The following SULT1B1 variants were observed in gnomAD, a reference collection of about 807,000 sequenced individuals.
SULT1B1 encodes the protein sulfotransferase family 1B member 1, also known as sulfotransferase 1B1.
Under a neutral mutation model 34.6 loss-of-function variants are expected in SULT1B1, and 28 were observed. The ratio of observed to expected loss-of-function variants is 0.81; its 90% CI spans 0.60 to 1.11. SULT1B1 has a LOEUF of 1.11. Among genes scored for constraint, SULT1B1 ranks in the 50% least tolerant of loss-of-function variants. SULT1B1 has a pLI of 0.00. For synonymous variants in SULT1B1, 147 were observed against 110.2 expected (o/e 1.33, Z -2.09); for missense variants, 374 against 352.2 (o/e 1.06, Z -0.50).
At chr4:69,754,603 C>T (rs11569733) in intron 3 of SULT1B1, 67 bp downstream of exon 3, 17,224 of 1,483,008 alleles carry the variant, frequency 0.012, 114 homozygotes, top group Middle Eastern at 0.034. Flanking sequence ...GAAAGTCACA[C>T]ATACAATAAT....
intron 4 of SULT1B1, among the ~76,000 whole-genome samples, chr4:69,736,362 C>A (rs1242735194): frequency 6.6e-6 from 1 of 152,146 alleles, no homozygotes; most frequent in Non-Finnish European, 1.5e-5. Flanking sequence ...CTGAGACATA[C>A]AAGACTAAGG....
chr4:69,746,951 T>C (rs1251578469), intron 4 of SULT1B1, among the ~76,000 whole-genome samples: 1 of 152,236 alleles, frequency 6.6e-6, no homozygotes, highest in Admixed American at 6.5e-5. Context: ...CCTTTTTGGA[T>C]GCTTTTAGGG....
intron 4 of SULT1B1, among the ~76,000 whole-genome samples, chr4:69,745,433 A>G (rs1718713348): frequency 1.3e-5 from 2 of 152,208 alleles, no homozygotes; most frequent in African/African-American, 4.8e-5. Context: ...TTCTTGTTGA[A>G]TTGAATCTTT....
rs1578049353 is a variant in SULT1B1 at position 69,733,569 on chromosome 4, T to G, written c.503-62A>C. The G allele has an allele frequency of 4.0e-6, 5 of 1,236,674 alleles. No individual in the cohort carries two copies. In the East Asian group the frequency reaches 1.3e-4, roughly 31 times the overall value. 76.6% of individuals were successfully genotyped at this position (1,236,674 alleles called of 1,614,324 possible). On this transcript the variant is annotated intron_variant, in intron 5 of 7. Transcript: ENST00000310613. Reference sequence around the variant, plus strand: ...ATCAAATTAAATATTTCTGTCTGAATAGTAAATCAAATTGTGAAAACATTT... The same window carrying G: ...ATCAAATTAAATATTTCTGTCTGAAGAGTAAATCAAATTGTGAAAACATTT...
chr4:69,754,273 T>C (rs576300870), intron 3 of SULT1B1, among the ~76,000 whole-genome samples: 2 of 152,312 alleles, frequency 1.3e-5, no homozygotes, highest in South Asian at 2.1e-4. Flanking sequence ...AAGCATTCCA[T>C]AAATATTTTG....
intron 4 of SULT1B1, among the ~76,000 whole-genome samples, chr4:69,740,642 T>C (rs954444645): frequency 6.6e-6 from 1 of 152,190 alleles, no homozygotes; most frequent in Admixed American, 6.5e-5. Flanking sequence ...CAAATACATG[T>C]GTCTTCTTGG....
intron 3 of SULT1B1, among the ~76,000 whole-genome samples, chr4:69,751,113 T>A (rs1718963766): frequency 6.6e-6 from 1 of 152,204 alleles, no homozygotes; most frequent in South Asian, 2.1e-4. Context: ...ACTGTAAACA[T>A]AAATTACTAT....
chr4:69,753,367 C>T (rs901499167), intron 3 of SULT1B1, among the ~76,000 whole-genome samples: 2 of 152,154 alleles, frequency 1.3e-5, no homozygotes, highest in South Asian at 4.1e-4. Flanking sequence ...CTCTACCAAG[C>T]AACCTGTGGA....
At chr4:69,755,826 C>T (rs769658145) in intron 1 of SULT1B1, among the ~76,000 whole-genome samples, 8 of 152,062 alleles carry the variant, frequency 5.3e-5, no homozygotes, top group African/African-American at 1.7e-4. Context: ...TGTGAGTTTA[C>T]GGTTTCCATC....
chr4:69,726,899 A>T lies in SULT1B1; in HGVS notation c.*189T>A. ...TTAACAATGAACTTTAGCCTTAGAG[A>T]ATTTGGAAACTCAGAATCAAAGGAA... is the stretch of plus-strand genomic sequence containing the variant. On this transcript the variant is annotated 3_prime_UTR_variant, in exon 8 of 8. Transcript: ENST00000310613. 1 of 454,900 alleles carries T rather than the reference A, an allele frequency of 2.2e-6. No individual in the cohort carries two copies. Among genetic ancestry groups the T allele is most frequent in the Non-Finnish European group, 3.8e-6 (1 of 261,560 alleles). The allele number at this position is 454,900 out of a possible 1,614,324, so 28.2% of individuals were successfully genotyped here. A position where few individuals can be genotyped will look rare whatever the true frequency, so the allele number is the denominator to read the frequency against.
At chr4:69,759,747 A>G (rs1719324164) in intron 1 of SULT1B1, among the ~76,000 whole-genome samples, 1 of 152,246 alleles carries the variant, frequency 6.6e-6, no homozygotes, top group African/African-American at 2.4e-5. Context: ...AGTTCATAAA[A>G]TATTTTAAAC....
intron 4 of SULT1B1, among the ~76,000 whole-genome samples, chr4:69,743,658 C>T (rs535314020): frequency 4.1e-4 from 63 of 152,262 alleles, no homozygotes; most frequent in Non-Finnish European, 7.5e-4. Context: ...CTCAGCAGTC[C>T]CTCGGCTTTC....
intron 6 of SULT1B1, 30 bp from the exon 7 acceptor site, chr4:69,730,711 A>G (rs1718046874): frequency 1.3e-6 from 2 of 1,577,832 alleles, no homozygotes; most frequent in African/African-American, 1.4e-5. Flanking sequence ...AAGACAATAA[A>G]CAAGTAACTC....
At chr4:69,748,312 G>A (rs1347836181) in intron 4 of SULT1B1, among the ~76,000 whole-genome samples, 1 of 152,132 alleles carries the variant, frequency 6.6e-6, no homozygotes, top group Non-Finnish European at 1.5e-5. Flanking sequence ...GGACTAATCT[G>A]TTAAGAAGAT....
At chr4:69,734,403 C>T in intron 4 of SULT1B1, 139 bp from the exon 5 acceptor site, 1 of 801,854 alleles carries the variant, frequency 1.2e-6, no homozygotes, top group Non-Finnish European at 1.9e-6. Flanking sequence ...CTTCTATTAA[C>T]AGCTAAAATA....
At chr4:69,758,656 T>C (rs1465449181) in intron 1 of SULT1B1, among the ~76,000 whole-genome samples, 1 of 152,196 alleles carries the variant, frequency 6.6e-6, no homozygotes, top group Non-Finnish European at 1.5e-5. Flanking sequence ...CAAAAGTGAA[T>C]GAATATTGAG....
At chr4:69,730,310 G>T (rs1718022682) in intron 7 of SULT1B1, among the ~76,000 whole-genome samples, 191 bp downstream of exon 7, 1 of 152,004 alleles carries the variant, frequency 6.6e-6, no homozygotes, top group Non-Finnish European at 1.5e-5. Context: ...TATATTCAAG[G>T]TATTCTAGTA....
intron 4 of SULT1B1, among the ~76,000 whole-genome samples, chr4:69,736,585 C>T (rs2110020803): frequency 6.8e-6 from 1 of 147,700 alleles, no homozygotes; most frequent in South Asian, 2.2e-4. Flanking sequence ...GGTATACCCA[C>T]AAAAGTTAAA....
intron 7 of SULT1B1, among the ~76,000 whole-genome samples, chr4:69,728,560 T>C (rs934499295): frequency 6.6e-6 from 1 of 152,026 alleles, no homozygotes; most frequent in South Asian, 2.1e-4. Flanking sequence ...ATGTGCTGTA[T>C]ATAGTTATTC....
Sources: allele counts gnomAD v4.1 joint callset (sites outside exome capture counted in the v4.1 genomes callset), GRCh38; gene constraint gnomAD v4.1.1; transcripts MANE v1.5; gene names NCBI Gene and HGNC (gene_info 2026-07-23, HGNC 2026-07-21).